The following CFAP251 variants were observed in gnomAD, a reference collection of about 807,000 sequenced individuals.
The protein encoded by CFAP251 is cilia- and flagella-associated protein 251.
In CFAP251, 93 loss-of-function variants were observed where a neutral mutation model predicts 126.7. That is an observed-to-expected ratio of 0.73 (90% CI 0.62 to 0.87). The LOEUF (loss-of-function observed/expected upper bound fraction) is 0.87. Ranked by LOEUF, CFAP251 falls within the 40% of genes least tolerant of loss-of-function variation. The probability of loss-of-function intolerance (pLI) is 0.00; values close to 1 mark genes in which losing one functional copy is unlikely to be tolerated. For synonymous variants in CFAP251, 503 were observed against 506.9 expected (o/e 0.99, Z 0.10); for missense variants, 1,287 against 1,389.2 (o/e 0.93, Z 1.17).
chr12:121,977,475 A>G (rs905218786), intron 19 of CFAP251, among the ~76,000 whole-genome samples: 1 of 152,016 alleles, frequency 6.6e-6, no homozygotes, highest in African/African-American at 2.4e-5. Flanking sequence ...CCTGGCTAAC[A>G]TGGTGAAGCC....
At chr12:121,944,886 A>C (rs1357790816) in intron 7 of CFAP251, among the ~76,000 whole-genome samples, 1 of 151,952 alleles carries the variant, frequency 6.6e-6, no homozygotes, top group African/African-American at 2.4e-5. Flanking sequence ...GAGCTCAAGC[A>C]GTCCTCCTAC....
At position 121,983,124 on chromosome 12, in the gene CFAP251, G is replaced by A. The variant is rs898456429; in HGVS notation, c.3006+7439G>A. ...CACTTGTAGTCCCAGATACTTGGAG[G>A]GCTGAGGTGGGAAGGATCGAAGGAT... On this transcript the variant is annotated intron_variant, in intron 19 of 21. Coordinates refer to ENST00000288912, the MANE Select transcript of CFAP251 (RefSeq NM_144668.6). Among the ~76,000 whole-genome samples, 6 of 152,184 alleles carry A rather than the reference G, an allele frequency of 3.9e-5. 1 individual carries two copies. The highest frequency in any genetic ancestry group is 3.9e-4 in the Admixed American group (6 of 15,278).
chr12:121,954,465 A>G (rs890803663), intron 10 of CFAP251, 131 bp downstream of exon 10: 4 of 795,848 alleles, frequency 5.0e-6, no homozygotes, highest in Non-Finnish European at 7.6e-6. Flanking sequence ...GGAGGATCAC[A>G]TGAGGCCAGA....
chr12:121,956,499 C>T (rs370374177), intron 10 of CFAP251, among the ~76,000 whole-genome samples: 1 of 151,980 alleles, frequency 6.6e-6, no homozygotes, highest in African/African-American at 2.4e-5. Context: ...GTTTGTTTGT[C>T]TGTTTTGTTT....
Position 121,968,030 on chromosome 12 carries a change from G to A in CFAP251, c.2632G>A (p.Asp878Asn). 1 of 1,609,744 alleles carries A rather than the reference G, an allele frequency of 6.2e-7. No individual in the cohort carries two copies. The highest frequency in any genetic ancestry group is 8.5e-7 in the Non-Finnish European group (1 of 1,176,506). The change falls in exon 17 of 22, where the codon GAC (aspartate) becomes AAC (asparagine). Residue 878 changes from aspartate (D) to asparagine (N), a missense_variant. By Grantham distance (23) the Asp-to-Asn change is conservative (BLOSUM62 1). Coordinates refer to ENST00000288912, the MANE Select transcript of CFAP251 (RefSeq NM_144668.6). ...DKVGLQILPV[D>N]GNPHKTSAIV... is the part of the protein sequence containing the mutation. ...GGTGGGACTTCAGATCTTACCAGTTGACGGCAATCCACATAAGACATCTGC... is the reference window on the plus strand; with the variant it reads ...GGTGGGACTTCAGATCTTACCAGTTAACGGCAATCCACATAAGACATCTGC...
In CFAP251 at chr12:122,003,758, T is replaced by C; in HGVS notation, c.3444T>C (p.Gly1148=). 6.2e-7 allele frequency: 1 copy of C among 1,604,480 alleles called. No individual in the cohort carries two copies. Among genetic ancestry groups the C allele is most frequent in the Non-Finnish European group, 8.5e-7 (1 of 1,177,004 alleles). ...TTTCAGAAGATTCCGGCCAGGATGGTCAGTGAAGTTACCAGGAATGTTTAA... is the reference window on the plus strand; with the variant it reads ...TTTCAGAAGATTCCGGCCAGGATGGCCAGTGAAGTTACCAGGAATGTTTAA... ...LTISEDSGQD[G]Q Residue 1148 remains glycine (G), a synonymous_variant, in exon 22 of 22, where the codon GGT becomes GGC. Transcript: ENST00000288912.
chr12:121,961,270 T>C (rs2135785274), intron 14 of CFAP251, among the ~76,000 whole-genome samples: 1 of 128,318 alleles, frequency 7.8e-6, no homozygotes, highest in East Asian at 2.6e-4. Flanking sequence ...TCTCCCCCTC[T>C]CTCCCTCCCT....
intron 10 of CFAP251, among the ~76,000 whole-genome samples, chr12:121,956,131 A>G (rs1881718502): frequency 6.6e-6 from 1 of 152,182 alleles, no homozygotes; most frequent in African/African-American, 2.4e-5. Context: ...AATGAAAGCC[A>G]TTTTGTCACG....
chr12:121,935,729 C>T (rs1001456649), intron 5 of CFAP251, among the ~76,000 whole-genome samples: 3 of 152,176 alleles, frequency 2.0e-5, no homozygotes, highest in East Asian at 1.9e-4. Context: ...TTCGATCAAG[C>T]GTCAGATAAA....
At chr12:121,969,581 G>T in intron 17 of CFAP251, 1 of 834,392 alleles carries the variant, frequency 1.2e-6, no homozygotes, top group South Asian at 5.5e-5. Context: ...GAACTCCTGG[G>T]CTCAAACAAT....
intron 19 of CFAP251, among the ~76,000 whole-genome samples, chr12:121,981,734 A>G (rs1882628795): frequency 6.6e-6 from 1 of 152,214 alleles, no homozygotes; most frequent in Admixed American, 6.5e-5. Flanking sequence ...GTATTCCGGC[A>G]GCTCTCTGAT....
intron 3 of CFAP251, 82 bp downstream of exon 3, chr12:121,924,072 AAG>A: frequency 7.0e-7 from 1 of 1,434,490 alleles, no homozygotes; most frequent in Non-Finnish European, 9.4e-7. Context: ...TTGGGGGAAA[AAG>A]AATACCACCA....
At position 121,923,910 on chromosome 12, in the gene CFAP251, A is replaced by T. The variant is rs764536808; in HGVS notation, c.667A>T (p.Ile223Phe). The T allele has an allele frequency of 1.2e-6, 2 of 1,614,098 alleles. No individual in the cohort carries two copies. ...RVSDIQSKAG[I>F]SRESLVSSTT... ...ATCCGACATCCAGTCCAAAGCAGGGATCTCCCGGGAGTCACTGGTGTCCAG... is the reference window on the plus strand; with the variant it reads ...ATCCGACATCCAGTCCAAAGCAGGGTTCTCCCGGGAGTCACTGGTGTCCAG... The change falls in exon 3 of 22, where the codon ATC becomes TTC. Residue 223 changes from isoleucine (I) to phenylalanine (F), a missense_variant. Coordinates refer to ENST00000288912, the MANE Select transcript of CFAP251 (RefSeq NM_144668.6).
intron 1 of CFAP251, among the ~76,000 whole-genome samples, chr12:121,919,654 T>C (rs1209628311): frequency 2.0e-5 from 3 of 152,162 alleles, no homozygotes; most frequent in Non-Finnish European, 4.4e-5. Flanking sequence ...GAAATGGGAT[T>C]CAATGCTAGG....
chr12:121,954,653 A>AAAAAAAAC (rs1881658430), intron 10 of CFAP251, among the ~76,000 whole-genome samples: 1 of 149,236 alleles, frequency 6.7e-6, no homozygotes, highest in Non-Finnish European at 1.5e-5. Flanking sequence ...AAAAAAAAAA[A>AAAAAAAAC]AAAAAAAAAA....
chr12:121,942,687 C>T (rs780571493), intron 6 of CFAP251, 42 bp downstream of exon 6: 19 of 1,516,142 alleles, frequency 1.3e-5, no homozygotes, highest in Non-Finnish European at 1.4e-5. Flanking sequence ...GCGAGCTGGC[C>T]GACCTGTGCA....
chr12:121,938,897 G>C (rs956070376), intron 5 of CFAP251, among the ~76,000 whole-genome samples: 1 of 151,776 alleles, frequency 6.6e-6, no homozygotes, highest in Non-Finnish European at 1.5e-5. Context: ...GGCTGAGACA[G>C]AATCGCTTGA....
intron 11 of CFAP251, 45 bp downstream of exon 11, chr12:121,957,313 T>C: frequency 6.4e-7 from 1 of 1,550,700 alleles, no homozygotes; most frequent in Non-Finnish European, 8.7e-7. Context: ...TGAAAAATGA[T>C]CACTGTCTTC....
At chr12:121,991,644 C>A (rs761736336) in intron 19 of CFAP251, among the ~76,000 whole-genome samples, 1 of 152,082 alleles carries the variant, frequency 6.6e-6, no homozygotes, top group African/African-American at 2.4e-5. Context: ...AGCTTGGCTA[C>A]GCATTCAAAT....
Sources: gnomAD v4.1 joint callset for allele counts (sites outside exome capture counted in the v4.1 genomes callset) on GRCh38, gnomAD v4.1.1 for gene constraint, MANE v1.5 for transcripts, NCBI Gene and HGNC (gene_info 2026-07-23, HGNC 2026-07-21) for gene names.